Variants in FMN1 observed in about 807,000 individuals in gnomAD.
FMN1 encodes formin-1.
Under a neutral mutation model 132.4 loss-of-function variants are expected in FMN1, and 110 were observed. The observed-to-expected ratio is 0.83, with a 90% CI of 0.71 to 0.97. FMN1 has a LOEUF of 0.97. Among genes scored for constraint, FMN1 ranks in the 50% least tolerant of loss-of-function variants. The pLI, the probability that FMN1 is intolerant of heterozygous loss-of-function variation, is 0.00. For synonymous variants in FMN1, 722 were observed against 651.7 expected (o/e 1.11, Z -1.64); for missense variants, 1,792 against 1,705.3 (o/e 1.05, Z -0.90).
intron 4 of FMN1, chr15:33,150,180 T>C: frequency 1.0e-6 from 1 of 985,182 alleles, no homozygotes; most frequent in Non-Finnish European, 1.2e-6. Flanking sequence ...ACTAAAAGGG[T>C]TTACTTTGAA....
intron 17 of FMN1, among the ~76,000 whole-genome samples, chr15:32,805,224 A>G (rs1006967062): frequency 6.6e-6 from 1 of 152,128 alleles, no homozygotes; most frequent in African/African-American, 2.4e-5. Context: ...ATGGTGTGTC[A>G]TTGTGGTTTT....
chr15:33,069,000 T>C (rs746601249), intron 5 of FMN1, among the ~76,000 whole-genome samples: 50 of 152,182 alleles, frequency 3.3e-4, no homozygotes, highest in Non-Finnish European at 5.0e-4. Context: ...AAATGAAACC[T>C]GGCATGACAC....
chr15:32,814,932 TTTATTTTA>T (rs1010397928), intron 17 of FMN1, among the ~76,000 whole-genome samples: 8 of 125,714 alleles, frequency 6.4e-5, no homozygotes, highest in Admixed American at 1.7e-4. Flanking sequence ...GCATGTTTAT[TTTATTTTA>T]TTATTATTAT....
intron 7 of FMN1, among the ~76,000 whole-genome samples, chr15:33,005,548 G>A (rs1228676576): frequency 2.6e-5 from 4 of 152,014 alleles, no homozygotes; most frequent in African/African-American, 4.8e-5. Flanking sequence ...AAGATCATAA[G>A]ACTTTTGCAG....
intron 17 of FMN1, among the ~76,000 whole-genome samples, chr15:32,815,164 G>A (rs544634399): frequency 4.0e-5 from 6 of 151,520 alleles, no homozygotes; most frequent in South Asian, 4.2e-4. Flanking sequence ...GGATGGTCTC[G>A]ATCTCCTGAC....
rs116071371 is a variant in FMN1, at chr15:32,786,632, G to A, written c.4131-9713C>T. 2.6e-3 allele frequency among the ~76,000 whole-genome samples: 396 copies of A among 152,314 alleles called. 4 individuals carry two copies. The highest frequency in any genetic ancestry group is 8.9e-3 in the African/African-American group (370 of 41,580). On this transcript the variant is annotated intron_variant, in intron 19 of 20. Coordinates refer to ENST00000616417, the MANE Select transcript of FMN1 (RefSeq NM_001277313.2). ...ATAGACTTTGGGGCATCAGGGAAAT[G>A]GCTTCCTTGCCTCAGAAAGCTCAAT... is the stretch of plus-strand genomic sequence containing the variant.
chr15:32,814,926 GTTTAT>G (rs891947358), intron 17 of FMN1, among the ~76,000 whole-genome samples: 6 of 139,170 alleles, frequency 4.3e-5, no homozygotes, highest in East Asian at 2.2e-4. Flanking sequence ...TAGGCTGCAT[GTTTAT>G]TTTATTTTAT....
At chr15:32,996,774 CTA>C (rs1335755954) in intron 7 of FMN1, among the ~76,000 whole-genome samples, 1 of 152,084 alleles carries the variant, frequency 6.6e-6, no homozygotes, top group East Asian at 1.9e-4. Flanking sequence ...ATTCCAAAGT[CTA>C]TGAGGTTGGA....
chr15:32,804,118 G>T (rs1391372168), intron 18 of FMN1, among the ~76,000 whole-genome samples, 163 bp downstream of exon 18: 1 of 152,100 alleles, frequency 6.6e-6, no homozygotes, highest in African/African-American at 2.4e-5. Context: ...GGACAGGGGA[G>T]TGGGGAATGG....
chr15:33,012,287 T>A, intron 6 of FMN1: 2 of 746,084 alleles, frequency 2.7e-6, no homozygotes, highest in Non-Finnish European at 4.9e-6. Context: ...TTCCAGAGGC[T>A]TTGGGTTTGT....
intron 18 of FMN1, among the ~76,000 whole-genome samples, chr15:32,800,831 C>A (rs1025940348): frequency 6.6e-6 from 1 of 152,164 alleles, no homozygotes; most frequent in Non-Finnish European, 1.5e-5. Flanking sequence ...TCTACCCCAC[C>A]CTTTTCTACT....
At chr15:33,183,740 A>C (rs751267575) in intron 2 of FMN1, among the ~76,000 whole-genome samples, 4 of 152,354 alleles carry the variant, frequency 2.6e-5, no homozygotes, top group Non-Finnish European at 5.9e-5. Context: ...TTACTACTAA[A>C]TAACTTTCAA....
At chr15:32,871,436 T>C (rs2059514606) in intron 16 of FMN1, among the ~76,000 whole-genome samples, 1 of 152,180 alleles carries the variant, frequency 6.6e-6, no homozygotes, top group African/African-American at 2.4e-5. Context: ...TTTCACAAAC[T>C]CCACAAGCAT....
intron 6 of FMN1, among the ~76,000 whole-genome samples, chr15:33,031,469 C>T (rs1469250408): frequency 6.6e-6 from 1 of 152,170 alleles, no homozygotes; most frequent in Non-Finnish European, 1.5e-5. Flanking sequence ...GTGGCATGAC[C>T]AGTCAGCACC....
At chr15:33,087,540 C>T (rs2038742873) in intron 5 of FMN1, among the ~76,000 whole-genome samples, 1 of 151,998 alleles carries the variant, frequency 6.6e-6, no homozygotes, top group South Asian at 2.1e-4. Context: ...AGCAAGACTC[C>T]ATCTCAAAAA....
At chr15:33,019,729 G>C (rs754382466) in intron 6 of FMN1, among the ~76,000 whole-genome samples, 1 of 152,218 alleles carries the variant, frequency 6.6e-6, no homozygotes, top group South Asian at 2.1e-4. Flanking sequence ...TGAGTGCTAA[G>C]CCCCTCACTG....
chr15:33,070,896 G>A (rs1006788348), intron 5 of FMN1, among the ~76,000 whole-genome samples: 19 of 152,116 alleles, frequency 1.2e-4, no homozygotes, highest in African/African-American at 3.1e-4. Context: ...CTAGAGAACC[G>A]AGGCACAGAA....
intron 4 of FMN1, chr15:33,149,891 A>C: frequency 4.1e-6 from 4 of 983,746 alleles, no homozygotes; most frequent in Non-Finnish European, 4.8e-6. Flanking sequence ...AAGCTTTGAC[A>C]GTAGTATTAG....
At chr15:33,080,818 C>T (rs887092134) in intron 5 of FMN1, among the ~76,000 whole-genome samples, 1 of 151,354 alleles carries the variant, frequency 6.6e-6, no homozygotes, top group Non-Finnish European at 1.5e-5. Flanking sequence ...ACCCAAGAGG[C>T]GGAGGTTGCG....
Sources: gnomAD v4.1 joint callset for allele counts (sites outside exome capture counted in the v4.1 genomes callset) on GRCh38, gnomAD v4.1.1 for gene constraint, MANE v1.5 for transcripts, NCBI Gene and HGNC (gene_info 2026-07-23, HGNC 2026-07-21) for gene names.